Variants in PCDHGB1 observed in about 807,000 individuals in gnomAD.
PCDHGB1 encodes the protein protocadherin gamma subfamily B, 1.
Under a neutral mutation model 56.6 loss-of-function variants are expected in PCDHGB1, and 34 were observed. The observed-to-expected ratio is 0.60, with a 90% CI of 0.46 to 0.80. The LOEUF is 0.80. PCDHGB1 is among the 30% of genes least tolerant of loss of function. The pLI, the probability that PCDHGB1 is intolerant of heterozygous loss-of-function variation, is 0.00. For synonymous variants in PCDHGB1, 561 were observed against 505.9 expected (o/e 1.11, Z -1.46); for missense variants, 1,278 against 1,204.6 (o/e 1.06, Z -0.90).
Position 141,364,604 on chromosome 5 carries a change from C to G in PCDHGB1, c.2409+11935C>G, listed in dbSNP as rs370007558. On this transcript the variant is annotated intron_variant, in intron 1 of 3. Transcript: ENST00000523390. ...CTTGGTCACCGCGGGCAGGATAGAC[C>G]GGGAGGAGCTCTGCGCTCAGAGCCC... 4.1e-5 allele frequency: 66 copies of G among 1,614,044 alleles called. No individual in the cohort carries two copies. Among genetic ancestry groups the G allele is most frequent in the Non-Finnish European group, 5.3e-5 (63 of 1,180,004 alleles).
chr5:141,378,385 G>T, intron 1 of PCDHGB1: 1 of 152,308 alleles, frequency 6.6e-6, no homozygotes, highest in Non-Finnish European at 1.5e-5. Flanking sequence ...TAGCCAGGTG[G>T]GGTGGCATGG....
intron 1 of PCDHGB1, among the ~76,000 whole-genome samples, chr5:141,373,000 T>C (rs1310950733): frequency 6.6e-6 from 1 of 152,222 alleles, no homozygotes; most frequent in Non-Finnish European, 1.5e-5. Context: ...TGTTCTTTCA[T>C]AGAAAGCCTC....
chr5:141,366,278 G>A, intron 1 of PCDHGB1: 1 of 1,613,712 alleles, frequency 6.2e-7, no homozygotes. Flanking sequence ...CGAAGACCAT[G>A]GCCAGCCCCC....
intron 1 of PCDHGB1, chr5:141,356,835 T>C: frequency 6.2e-7 from 1 of 1,614,144 alleles, no homozygotes; most frequent in Non-Finnish European, 8.5e-7. Context: ...TCAGCAGCAA[T>C]GTGTCACTGA....
At position 141,420,439 on chromosome 5, in the gene PCDHGB1, C is replaced by T. The variant is rs2096496531; in HGVS notation, c.2409+67770C>T. ...TTAAAACAAAAGTTTAAATTAAATGCCTCAGTCTTCCTACTATTCAAAGAC... is the reference window on the plus strand; with the variant it reads ...TTAAAACAAAAGTTTAAATTAAATGTCTCAGTCTTCCTACTATTCAAAGAC... On this transcript the variant is annotated intron_variant, in intron 1 of 3. Coordinates refer to ENST00000523390, the MANE Select transcript of PCDHGB1 (RefSeq NM_018922.3). 10 of 1,073,160 alleles carry T rather than the reference C, an allele frequency of 9.3e-6. No individual in the cohort carries two copies. In the South Asian group the frequency reaches 2.0e-4, roughly 22 times the overall value. The allele number at this position is 1,073,160 out of a possible 1,614,324, so 66.5% of individuals were successfully genotyped here.
intron 1 of PCDHGB1, among the ~76,000 whole-genome samples, chr5:141,456,359 G>A (rs2098853225): frequency 6.6e-6 from 1 of 152,158 alleles, no homozygotes; most frequent in Non-Finnish European, 1.5e-5. Context: ...TGGCGTCCAT[G>A]TGTGGTTCAG....
intron 1 of PCDHGB1, chr5:141,423,800 T>C: frequency 1.6e-5 from 14 of 895,104 alleles, no homozygotes; most frequent in East Asian, 1.3e-4. Context: ...TTTAGAGCAA[T>C]ACATGTGAGT....
intron 1 of PCDHGB1, chr5:141,403,779 A>G: frequency 6.2e-7 from 1 of 1,613,970 alleles, no homozygotes; most frequent in Non-Finnish European, 8.5e-7. Context: ...ATCAACGGAA[A>G]AGTGGCATAC....
rs2097383403 is a variant in PCDHGB1 at position 141,431,483 on chromosome 5, T to C, written c.2410-63324T>C. On this transcript the variant is annotated intron_variant, in intron 1 of 3. Coordinates refer to ENST00000523390, the MANE Select transcript of PCDHGB1 (RefSeq NM_018922.3). This position sits in a 1 kb window ranked among gnomAD's most constrained non-coding sequence, Gnocchi z 4.8. ...GGATGCGAACGACAACGCACCAGCG[T>C]TTGCTCAGCCCGAGTACCGCGCGAG... 2 of 1,613,758 alleles carry C rather than the reference T, an allele frequency of 1.2e-6. No homozygotes were observed. The highest frequency in any genetic ancestry group is 2.7e-5 in the African/African-American group (2 of 74,938).
At chr5:141,366,088 C>G (rs752144187) in intron 1 of PCDHGB1, 2 of 1,614,256 alleles carry the variant, frequency 1.2e-6, no homozygotes, top group South Asian at 2.2e-5. Context: ...AACCTGGCTA[C>G]CTGGTGACCA....
chr5:141,401,125 C>T (rs2094118410), intron 1 of PCDHGB1, among the ~76,000 whole-genome samples: 1 of 152,200 alleles, frequency 6.6e-6, no homozygotes, highest in South Asian at 2.1e-4. Context: ...GGTTGGATCA[C>T]ATGGTCAGGA....
At position 141,485,135 on chromosome 5, in the gene PCDHGB1, G is replaced by A; in HGVS notation, c.2410-9672G>A. 6.7e-7 allele frequency: 1 copy of A among 1,500,498 alleles called. No individual in the cohort carries two copies. Among genetic ancestry groups the A allele is most frequent in the East Asian group, 2.3e-5 (1 of 44,254 alleles). 92.9% of individuals were successfully genotyped at this position (1,500,498 alleles called of 1,614,324 possible). A position where few individuals can be genotyped will look rare whatever the true frequency, so the allele number is the denominator to read the frequency against. On this transcript the variant is annotated intron_variant, in intron 1 of 3. Coordinates refer to ENST00000523390, the MANE Select transcript of PCDHGB1 (RefSeq NM_018922.3). The surrounding 1 kb of genome is among the most constrained non-coding windows in gnomAD (Gnocchi z 5.7). ...TGTTTGGGGCGGGTCGGCTTCATCCGCGTCTCAGGAGCAAGTAGAGAATTA... is the reference window on the plus strand; with the variant it reads ...TGTTTGGGGCGGGTCGGCTTCATCCACGTCTCAGGAGCAAGTAGAGAATTA...
intron 1 of PCDHGB1, among the ~76,000 whole-genome samples, chr5:141,492,886 C>A (rs1479930324): frequency 6.6e-6 from 1 of 152,178 alleles, no homozygotes; most frequent in African/African-American, 2.4e-5. Context: ...GAGATACAGG[C>A]TTTTGGCGCC....
At chr5:141,362,297 C>G in intron 1 of PCDHGB1, 1 of 1,614,082 alleles carries the variant, frequency 6.2e-7, no homozygotes, top group Non-Finnish European at 8.5e-7. Flanking sequence ...TCTTCCAGGT[C>G]AGATGCTTGG....
intron 1 of PCDHGB1, chr5:141,421,239 G>A (rs773410079): frequency 6.3e-7 from 1 of 1,599,000 alleles, no homozygotes; most frequent in South Asian, 1.1e-5. Context: ...TGGCGAATCG[G>A]CTACAGCGCG....
At chr5:141,451,535 A>G (rs150174911) in intron 1 of PCDHGB1, among the ~76,000 whole-genome samples, 2 of 152,328 alleles carry the variant, frequency 1.3e-5, no homozygotes, top group Non-Finnish European at 2.9e-5. Flanking sequence ...GGAGAGTGCC[A>G]GAGAGGGCAA....
chr5:141,372,442 A>T, intron 1 of PCDHGB1: 1 of 1,613,914 alleles, frequency 6.2e-7, no homozygotes, highest in South Asian at 1.1e-5. Flanking sequence ...ACTCCCTCTG[A>T]CCCTCAGGCG....
At chr5:141,381,823 C>CTTTT (rs1777506241) in intron 1 of PCDHGB1, among the ~76,000 whole-genome samples, 2 of 101,602 alleles carry the variant, frequency 2.0e-5, no homozygotes, top group Non-Finnish European at 3.9e-5. Context: ...TTTCTTTCTT[C>CTTTT]TTCTTTTTTT....
chr5:141,446,408 C>A (rs1211716327), intron 1 of PCDHGB1, among the ~76,000 whole-genome samples: 1 of 151,898 alleles, frequency 6.6e-6, no homozygotes, highest in African/African-American at 2.4e-5. Flanking sequence ...GAGTTGAGTT[C>A]CAGCCATGTT....
Sources: allele counts gnomAD v4.1 joint callset (sites outside exome capture counted in the v4.1 genomes callset), GRCh38; gene constraint gnomAD v4.1.1; non-coding constraint Gnocchi (gnomAD v3.1); transcripts MANE v1.5; gene names NCBI Gene and HGNC (gene_info 2026-07-23, HGNC 2026-07-21).